The following KIF1B variants were observed in gnomAD, a reference collection of about 807,000 sequenced individuals.
KIF1B encodes kinesin family member 1B, also known as kinesin-like protein KIF1B.
In KIF1B, 76 loss-of-function variants were observed where a neutral mutation model predicts 241.9. The ratio of observed to expected loss-of-function variants is 0.31; its 90% CI spans 0.26 to 0.38. The LOEUF is 0.38. Among genes scored for constraint, KIF1B ranks in the 10% least tolerant of loss-of-function variants. KIF1B has a pLI of 1.00. For synonymous variants in KIF1B, 750 were observed against 796.7 expected, an observed-to-expected ratio of 0.94 and a Z score of 0.99; for missense variants, 1,622 against 2,271.4, an observed-to-expected ratio of 0.71 and a Z score of 5.81.
At chr1:10,346,694 G>A (rs571661524) in intron 35 of KIF1B, among the ~76,000 whole-genome samples, 1 of 152,280 alleles carries the variant, frequency 6.6e-6, no homozygotes, top group South Asian at 2.1e-4. Flanking sequence ...TTATCATAAT[G>A]GGTTTTATTA....
intron 2 of KIF1B, among the ~76,000 whole-genome samples, chr1:10,255,074 C>T (rs1647699052): frequency 6.6e-6 from 1 of 151,842 alleles, no homozygotes; most frequent in Admixed American, 6.6e-5. Flanking sequence ...TCAACCTCCC[C>T]AGTAGCTGGG....
At chr1:10,272,508 A>G in intron 9 of KIF1B, 1 of 655,456 alleles carries the variant, frequency 1.5e-6, no homozygotes, top group Non-Finnish European at 2.8e-6. Context: ...TAAGGAGAAC[A>G]AAAGTAAATA....
chr1:10,256,210 T>C, intron 2 of KIF1B, 37 bp from the exon 3 acceptor site: 1 of 1,281,644 alleles, frequency 7.8e-7, no homozygotes, highest in Non-Finnish European at 1.1e-6. Context: ...AACTTGTAAT[T>C]GAGTGACTTA....
At position 10,337,069 on chromosome 1, in the gene KIF1B, T is replaced by C; in HGVS notation, c.3130-5T>C. ...ACCATGTATCTGCCCCTGCCTTTTT[T>C]TCAGAGTGACTTTTCGTCTGTTGCA... On this transcript the variant is annotated splice_region_variant and splice_polypyrimidine_tract_variant and intron_variant, in intron 29 of 48. Transcript: ENST00000676179. The surrounding 1 kb of genome is among the most constrained non-coding windows in gnomAD (Gnocchi z 4.0). 1 of 1,614,208 alleles carries C rather than the reference T, an allele frequency of 6.2e-7. No homozygotes were observed. The highest frequency in any genetic ancestry group is 8.5e-7 in the Non-Finnish European group (1 of 1,180,042).
chr1:10,291,582 G>A (rs1256834812), intron 16 of KIF1B, among the ~76,000 whole-genome samples: 1 of 151,824 alleles, frequency 6.6e-6, no homozygotes, highest in African/African-American at 2.4e-5. Flanking sequence ...CATGGTGGTG[G>A]GCACCTGTAG....
Position 10,374,255 on chromosome 1 carries a change from A to G in KIF1B, c.4947-61A>G. On this transcript the variant is annotated intron_variant, in intron 45 of 48. Coordinates refer to ENST00000676179, the MANE Select transcript of KIF1B (RefSeq NM_001365951.3). The surrounding 1 kb of genome is among the most constrained non-coding windows in gnomAD (Gnocchi z 4.3). ...TCCTCCCAGTGAAACAGTACTCAGT[A>G]TGCCTTGATTGTAACTGATTCTCTT... 6.5e-7 allele frequency: 1 copy of G among 1,545,978 alleles called. No individual in the cohort carries two copies. The highest frequency in any genetic ancestry group is 8.9e-7 in the Non-Finnish European group (1 of 1,118,354).
Position 10,303,593 on chromosome 1 carries a change from T to C in KIF1B, c.2115+6347T>C. 6.2e-7 allele frequency: 1 copy of C among 1,614,080 alleles called. No individual in the cohort carries two copies. Among genetic ancestry groups the C allele is most frequent in the South Asian group, 1.1e-5 (1 of 91,078 alleles). On this transcript the variant is annotated intron_variant, in intron 22 of 48. Transcript: ENST00000676179. This position sits in a 1 kb window ranked among gnomAD's most constrained non-coding sequence, Gnocchi z 5.2. Reference sequence around the variant, plus strand: ...ACCGTCGGTGTTGGGGATGAGAAGATCGAAGACGTCATGGCCACTGGGAAA... The same window carrying C: ...ACCGTCGGTGTTGGGGATGAGAAGACCGAAGACGTCATGGCCACTGGGAAA...
In KIF1B at chr1:10,341,587, T is replaced by G. The variant is rs1374037044; in HGVS notation, c.3514-463T>G. On this transcript the variant is annotated intron_variant, in intron 32 of 48. Coordinates refer to ENST00000676179, the MANE Select transcript of KIF1B (RefSeq NM_001365951.3). The stretch of plus-strand genomic sequence containing the variant: ...ATACCTGAAGCTGGGAAAAGTTACT[T>G]TAGAATTAAAAACAACATAGGGGAT... Among the ~76,000 whole-genome samples the G allele has an allele frequency of 2.6e-5, 4 of 152,312 alleles. No homozygotes were observed. In the East Asian group the frequency reaches 5.8e-4, roughly 22 times the overall value.
intron 22 of KIF1B, among the ~76,000 whole-genome samples, chr1:10,299,253 C>T (rs899151862): frequency 3.3e-5 from 5 of 151,928 alleles, no homozygotes; most frequent in Admixed American, 6.6e-5. Flanking sequence ...ATGTCTAAGA[C>T]GTATTTAGTT....
chr1:10,294,488 C>G (rs898850901), intron 17 of KIF1B, among the ~76,000 whole-genome samples: 1 of 152,012 alleles, frequency 6.6e-6, no homozygotes, highest in Non-Finnish European at 1.5e-5. Flanking sequence ...ATAATTATTC[C>G]GTTCAGAGAA....
At position 10,365,428 on chromosome 1, in the gene KIF1B, T is replaced by G. The variant is rs1288199438; in HGVS notation, c.4532T>G (p.Phe1511Cys). The change falls in exon 43 of 49, where the codon TTT (phenylalanine) becomes TGT (cysteine). Residue 1511 changes from phenylalanine (F) to cysteine (C), a missense_variant. This residue lies in a region of KIF1B where 357 missense variants were observed against 409.0 expected (regional missense o/e 0.87). Transcript: ENST00000676179. This position sits in a 1 kb window ranked among gnomAD's most constrained non-coding sequence, Gnocchi z 4.0. Reference protein sequence around the residue: ...LLHEVEKTRHFLLLRERLGDS... With the variant: ...LLHEVEKTRHCLLLRERLGDS... ...TCTCAGGTGGAAAAAACCCGCCACT[T>G]TTTGCTGCTGCGTGAGAGACTTGGT... 1.2e-6 allele frequency: 2 copies of G among 1,614,158 alleles called. No individual in the cohort carries two copies. Among genetic ancestry groups the G allele is most frequent in the South Asian group, 1.1e-5 (1 of 91,090 alleles).
intron 38 of KIF1B, among the ~76,000 whole-genome samples, chr1:10,356,827 G>A (rs1638264116): frequency 6.6e-6 from 1 of 152,008 alleles, no homozygotes; most frequent in Non-Finnish European, 1.5e-5. Flanking sequence ...TTGAACCTGG[G>A]AGGCGGAGGT....
At chr1:10,311,401 C>CG (rs1255972917) in intron 22 of KIF1B, among the ~76,000 whole-genome samples, 2 of 150,918 alleles carry the variant, frequency 1.3e-5, no homozygotes, top group Non-Finnish European at 2.9e-5. Flanking sequence ...TAGAGACGGA[C>CG]GGGGTCTCAC....
chr1:10,297,148 A>ATTTTTTTTTTTTTTTTT (rs58344165), intron 21 of KIF1B, 26 bp from the exon 22 acceptor site: 1 of 1,138,566 alleles, frequency 8.8e-7, no homozygotes. Context: ...GCATTCTTGA[A>ATTTTTTTTTTTTTTTTT]TTTTTTTTTT....
At chr1:10,277,059 G>A (rs1447176114) in intron 12 of KIF1B, among the ~76,000 whole-genome samples, 1 of 148,834 alleles carries the variant, frequency 6.7e-6, no homozygotes, top group Non-Finnish European at 1.5e-5. Flanking sequence ...CCAGCCTGGA[G>A]ACAGAGCGAG....
At chr1:10,339,521 C>T (rs959548532) in intron 31 of KIF1B, among the ~76,000 whole-genome samples, 7 of 152,214 alleles carry the variant, frequency 4.6e-5, no homozygotes, top group Non-Finnish European at 1.0e-4. Context: ...CTCTCTAAAG[C>T]ATTCTTGCAT....
At chr1:10,375,086 G>T in intron 47 of KIF1B, 40 bp downstream of exon 47, 1 of 1,600,172 alleles carries the variant, frequency 6.2e-7, no homozygotes, top group Non-Finnish European at 8.6e-7. Flanking sequence ...TGCCACGTGT[G>T]CCCTTCTCTT....
intron 48 of KIF1B, 36 bp from the exon 49 acceptor site, chr1:10,376,509 G>T: frequency 6.2e-7 from 1 of 1,610,420 alleles, no homozygotes; most frequent in Non-Finnish European, 8.5e-7. Context: ...CTTGTACCCA[G>T]ACTTCTAATC....
Position 10,282,515 on chromosome 1 carries a change from A to G in KIF1B, c.1416A>G (p.Glu472=). 2 of 1,614,066 alleles carry G rather than the reference A, an allele frequency of 1.2e-6. No homozygotes were observed. The highest frequency in any genetic ancestry group is 1.7e-6 in the Non-Finnish European group (2 of 1,179,900). ...TCATGTCTACACCTGGAGGAGAGGA[A>G]GCTATTGAACGTTTAAAGGTAAGTA... The part of the protein sequence containing the change: ...ERIMSTPGGE[E]AIERLKESEK... Residue 472 remains glutamate, a synonymous_variant, in exon 15 of 49, where the codon GAA becomes GAG. Transcript: ENST00000676179.
Sources: allele counts gnomAD v4.1 joint callset (sites outside exome capture counted in the v4.1 genomes callset), GRCh38; gene constraint gnomAD v4.1.1; regional missense constraint gnomAD v4.1.1; non-coding constraint Gnocchi (gnomAD v3.1); transcripts MANE v1.5; gene names NCBI Gene and HGNC (gene_info 2026-07-23, HGNC 2026-07-21).